The following PPP1R14D variants were observed in gnomAD, a reference collection of about 807,000 sequenced individuals.
The protein encoded by PPP1R14D is protein phosphatase 1 regulatory inhibitor subunit 14D.
A neutral mutation model predicts 17.1 loss-of-function variants in PPP1R14D; 14 were observed. The observed-to-expected ratio is 0.82, with a 90% CI of 0.54 to 1.28. The LOEUF (loss-of-function observed/expected upper bound fraction) is 1.28, where lower values mean the gene tolerates loss of function less well. PPP1R14D is among the 50% of genes most tolerant of loss of function. The pLI, the probability that PPP1R14D is intolerant of heterozygous loss-of-function variation, is 0.00. For synonymous variants in PPP1R14D, 67 were observed against 66.1 expected (o/e 1.01, Z -0.06); for missense variants, 173 against 179.2 (o/e 0.97, Z 0.20).
intron 1 of PPP1R14D, among the ~76,000 whole-genome samples, chr15:40,820,091 C>T (rs889071966): frequency 2.6e-5 from 4 of 151,744 alleles, no homozygotes; most frequent in African/African-American, 9.7e-5. Context: ...GTCTCGAACT[C>T]CTGACCTCAG....
At chr15:40,817,281 C>G in intron 1 of PPP1R14D, 1 of 290,702 alleles carries the variant, frequency 3.4e-6, no homozygotes, top group Non-Finnish European at 7.5e-6. Flanking sequence ...CGATTGAACC[C>G]GGGAGGCAGA....
At chr15:40,820,536 G>C (rs932888016) in intron 1 of PPP1R14D, among the ~76,000 whole-genome samples, 1 of 151,830 alleles carries the variant, frequency 6.6e-6, no homozygotes, top group Admixed American at 6.6e-5. Flanking sequence ...CATAAACACA[G>C]TAATGAGAGA....
intron 1 of PPP1R14D, 32 bp downstream of exon 1, chr15:40,828,355 C>A: frequency 6.5e-7 from 1 of 1,544,080 alleles, no homozygotes; most frequent in South Asian, 1.3e-5. Flanking sequence ...CCCAGGCCCC[C>A]ATCTCCTCCC....
In PPP1R14D at chr15:40,828,613, G is replaced by A; in HGVS notation, c.29C>T (p.Thr10Ile). The change falls in exon 1 of 4, where the codon ACA (threonine) becomes ATA (isoleucine). Residue 10 changes from threonine to isoleucine, a missense_variant. Coordinates refer to ENST00000299174, the MANE Select transcript of PPP1R14D (RefSeq NM_017726.8). ...GTTCTCCCCATCTGGGCTGGGAGAT[G>A]TGCAGGAAGCAGGGCTTGAAGACAG... Reference protein sequence around the residue: MLSSSPASCTSPSPDGENPC... With the variant: MLSSSPASCISPSPDGENPC... 6.2e-7 allele frequency: 1 copy of A among 1,613,566 alleles called. No individual in the cohort carries two copies. The highest frequency in any genetic ancestry group is 8.5e-7 in the Non-Finnish European group (1 of 1,179,662).
intron 1 of PPP1R14D, among the ~76,000 whole-genome samples, chr15:40,824,375 G>GTT (rs543108490): frequency 1.1e-4 from 16 of 143,662 alleles, no homozygotes; most frequent in Admixed American, 2.8e-4. Flanking sequence ...TGACAATACT[G>GTT]TTTTTTTTTT....
intron 1 of PPP1R14D, among the ~76,000 whole-genome samples, chr15:40,824,156 T>G (rs1890832551): frequency 6.6e-6 from 1 of 152,162 alleles, no homozygotes; most frequent in South Asian, 2.1e-4. Context: ...GTGAGACTTG[T>G]GACTCTATGT....
chr15:40,816,293 G>C (rs745716785), intron 1 of PPP1R14D, 40 bp from the exon 2 acceptor site: 1 of 1,539,824 alleles, frequency 6.5e-7, no homozygotes, highest in Non-Finnish European at 9.0e-7. Context: ...GGCCTGACCA[G>C]CTGGTGCTGG....
At chr15:40,817,062 G>A (rs978412179) in intron 1 of PPP1R14D, among the ~76,000 whole-genome samples, 5 of 150,684 alleles carry the variant, frequency 3.3e-5, no homozygotes, top group African/African-American at 1.2e-4. Flanking sequence ...GCGAGTCTCT[G>A]TCTTAAAACA....
At chr15:40,825,487 C>G (rs529824215) in intron 1 of PPP1R14D, among the ~76,000 whole-genome samples, 3 of 152,112 alleles carry the variant, frequency 2.0e-5, no homozygotes, top group Non-Finnish European at 4.4e-5. Flanking sequence ...TCTGAAGACC[C>G]CACACCAGGC....
chr15:40,824,755 C>T (rs1044258570), intron 1 of PPP1R14D, among the ~76,000 whole-genome samples: 1 of 151,994 alleles, frequency 6.6e-6, no homozygotes, highest in East Asian at 1.9e-4. Context: ...AAAAAGGAAG[C>T]TACAGGAAAG....
At chr15:40,827,059 GT>G (rs746806718) in intron 1 of PPP1R14D, among the ~76,000 whole-genome samples, 20 of 152,202 alleles carry the variant, frequency 1.3e-4, no homozygotes, top group Non-Finnish European at 2.9e-4. Flanking sequence ...CAGAGCCAGG[GT>G]CAAAGATTGC....
In PPP1R14D at chr15:40,819,290, T is replaced by C. The variant is rs113810377; in HGVS notation, c.256-3037A>G. On this transcript the variant is annotated intron_variant, in intron 1 of 3. Coordinates refer to ENST00000299174, the MANE Select transcript of PPP1R14D (RefSeq NM_017726.8). ...CGTACTGAAAAAGGCAAACAAAATC[T>C]TAGCATTGGCCAGGCGCGAGGCTGA... Among the ~76,000 whole-genome samples, 864 of 152,246 alleles carry C rather than the reference T, an allele frequency of 5.7e-3. 8 individuals carry two copies. Among genetic ancestry groups the C allele is most frequent in the African/African-American group, 0.02 (834 of 41,554 alleles).
At chr15:40,819,556 T>A (rs905370065) in intron 1 of PPP1R14D, among the ~76,000 whole-genome samples, 7 of 149,644 alleles carry the variant, frequency 4.7e-5, no homozygotes, top group Non-Finnish European at 8.9e-5. Flanking sequence ...AAAAAAAAAA[T>A]TACCGTTATT....
At chr15:40,821,868 C>T (rs1448853275) in intron 1 of PPP1R14D, among the ~76,000 whole-genome samples, 2 of 152,148 alleles carry the variant, frequency 1.3e-5, no homozygotes, top group Admixed American at 6.5e-5. Flanking sequence ...GCGGAGGCTG[C>T]GGTGAGGCGA....
chr15:40,822,950 C>T (rs185592732), intron 1 of PPP1R14D, among the ~76,000 whole-genome samples: 8,830 of 149,126 alleles, frequency 0.059, 601 homozygotes, highest in African/African-American at 0.17. Flanking sequence ...AGGTGCACAC[C>T]ACCACATCCG....
intron 1 of PPP1R14D, among the ~76,000 whole-genome samples, chr15:40,827,981 G>T (rs558345278): frequency 1.3e-5 from 2 of 152,042 alleles, no homozygotes; most frequent in African/African-American, 4.8e-5. Context: ...CAAAGAAAAA[G>T]AAAAGAAACG....
chr15:40,828,529 TC>T lies in PPP1R14D; in HGVS notation c.112del (p.Glu38SerfsTer20). Reference protein sequence around the residue: ...GRRRTSSTDSESKSHPDSSKI... With the variant: ...GRRRTSSTDSXSKSHPDSSKI... ...GGAGGAGTCCGGGTGGGACTTGGAC[TC>T]TGAGTCTGTGGATGATGTCCTTCTC... On this transcript the variant is annotated frameshift_variant, in exon 1 of 4. Transcript: ENST00000299174. LOFTEE classifies it high-confidence loss of function. The T allele has an allele frequency of 7.4e-6, 12 of 1,614,232 alleles. No individual in the cohort carries two copies. Among genetic ancestry groups the T allele is most frequent in the African/African-American group, 1.3e-5 (1 of 75,058 alleles).
chr15:40,825,170 A>C (rs796097042), intron 1 of PPP1R14D, among the ~76,000 whole-genome samples: 8 of 151,992 alleles, frequency 5.3e-5, no homozygotes, highest in African/African-American at 1.9e-4. Flanking sequence ...CTGTAATCCC[A>C]GCTACTTGAA....
chr15:40,825,887 T>C (rs1890862000), intron 1 of PPP1R14D, among the ~76,000 whole-genome samples: 1 of 152,266 alleles, frequency 6.6e-6, no homozygotes, highest in Admixed American at 6.5e-5. Flanking sequence ...TCTTGCTTTC[T>C]GTGTTACAGG....
Sources: gnomAD v4.1 joint callset for allele counts (sites outside exome capture counted in the v4.1 genomes callset) on GRCh38, gnomAD v4.1.1 for gene constraint, MANE v1.5 for transcripts, NCBI Gene and HGNC (gene_info 2026-07-23, HGNC 2026-07-21) for gene names.